The following HMCN1 variants were observed in gnomAD, a reference collection of about 807,000 sequenced individuals.
The protein encoded by HMCN1 is hemicentin 1.
A neutral mutation model predicts 625.9 loss-of-function variants in HMCN1; 321 were observed. The ratio of observed to expected loss-of-function variants is 0.51; its 90% CI spans 0.47 to 0.56. HMCN1 has a LOEUF of 0.56. HMCN1 is among the 20% of genes least tolerant of loss of function. The pLI is 0.00. For synonymous variants in HMCN1, 2,425 were observed against 2,417.6 expected (o/e 1.00, Z -0.09); for missense variants, 6,588 against 6,887.3 (o/e 0.96, Z 1.54).
intron 6 of HMCN1, among the ~76,000 whole-genome samples, chr1:185,920,704 A>G (rs983281246): frequency 6.6e-6 from 1 of 152,128 alleles, no homozygotes; most frequent in Non-Finnish European, 1.5e-5. Context: ...ATTAAGTACC[A>G]CATTGTTGAA....
At chr1:185,840,966 T>G (rs1036226080) in intron 1 of HMCN1, among the ~76,000 whole-genome samples, 2 of 152,090 alleles carry the variant, frequency 1.3e-5, no homozygotes, top group African/African-American at 4.8e-5. Flanking sequence ...AGGAACCACT[T>G]TGAGTAAAGA....
At chr1:185,969,989 T>A (rs531129694) in intron 14 of HMCN1, among the ~76,000 whole-genome samples, 1 of 152,186 alleles carries the variant, frequency 6.6e-6, no homozygotes, top group South Asian at 2.1e-4. Flanking sequence ...ACCAAATGCA[T>A]CCTGCCACAA....
intron 25 of HMCN1, among the ~76,000 whole-genome samples, chr1:185,998,564 C>A (rs1478474180): frequency 3.3e-5 from 5 of 152,100 alleles, no homozygotes; most frequent in African/African-American, 1.2e-4. Flanking sequence ...AGTGTTCACT[C>A]CCACTGGACC....
intron 40 of HMCN1, 58 bp downstream of exon 40, chr1:186,041,194 C>A: frequency 4.1e-6 from 6 of 1,473,428 alleles, no homozygotes; most frequent in African/African-American, 2.8e-5. Context: ...GTCCTAAAAT[C>A]ATTGAGAAAG....
intron 4 of HMCN1, among the ~76,000 whole-genome samples, chr1:185,874,836 C>T (rs1663832053): frequency 1.3e-5 from 2 of 151,780 alleles, no homozygotes; most frequent in South Asian, 4.1e-4. Flanking sequence ...AGGAAAAAGA[C>T]ACATGATATA....
intron 3 of HMCN1, 114 bp from the exon 4 acceptor site, chr1:185,865,627 A>AAT: frequency 8.0e-6 from 6 of 752,874 alleles, no homozygotes; most frequent in South Asian, 1.5e-5. Flanking sequence ...ACACACACAC[A>AAT]CACATTCACA....
intron 1 of HMCN1, among the ~76,000 whole-genome samples, chr1:185,810,275 G>C (rs143432631): frequency 1.0e-3 from 159 of 152,196 alleles, no homozygotes; most frequent in African/African-American, 3.6e-3. Context: ...GCTAAATTTA[G>C]TTTCCCTTAA....
intron 17 of HMCN1, among the ~76,000 whole-genome samples, chr1:185,981,941 T>C (rs185806752): frequency 1.3e-5 from 2 of 152,304 alleles, no homozygotes; most frequent in East Asian, 3.9e-4. Flanking sequence ...CACTTATAAA[T>C]GCTTTCAGTT....
At chr1:185,988,316 C>T (rs1187646866) in intron 20 of HMCN1, among the ~76,000 whole-genome samples, 1 of 152,182 alleles carries the variant, frequency 6.6e-6, no homozygotes, top group African/African-American at 2.4e-5. Context: ...AGTCCTTTCA[C>T]CCTTGAACAG....
intron 10 of HMCN1, 132 bp downstream of exon 10, chr1:185,928,799 T>C: frequency 9.9e-7 from 1 of 1,013,484 alleles, no homozygotes. Context: ...CTCCACTGAA[T>C]TGAGAACTCA....
intron 87 of HMCN1, among the ~76,000 whole-genome samples, chr1:186,137,245 G>C (rs889396947): frequency 6.6e-6 from 1 of 152,190 alleles, no homozygotes; most frequent in African/African-American, 2.4e-5. Context: ...TGAACAGTTT[G>C]TAAACTTGTT....
At chr1:186,097,068 C>G (rs1467336827) in intron 68 of HMCN1, among the ~76,000 whole-genome samples, 1 of 152,010 alleles carries the variant, frequency 6.6e-6, no homozygotes, top group Non-Finnish European at 1.5e-5. Flanking sequence ...TAAAAGACAT[C>G]CAAATTCGAA....
chr1:186,099,161 A>G (rs185898329), intron 68 of HMCN1, among the ~76,000 whole-genome samples: 6 of 152,216 alleles, frequency 3.9e-5, no homozygotes, highest in East Asian at 3.9e-4. Context: ...AGGAATTTCA[A>G]TGCTTTCACC....
intron 1 of HMCN1, among the ~76,000 whole-genome samples, chr1:185,741,560 T>C (rs1024417080): frequency 2.6e-5 from 4 of 152,300 alleles, no homozygotes; most frequent in South Asian, 4.1e-4. Flanking sequence ...AGAAGAGGTC[T>C]GAGGACCTAG....
At chr1:186,091,976 T>C (rs1659865441) in intron 64 of HMCN1, among the ~76,000 whole-genome samples, 1 of 151,980 alleles carries the variant, frequency 6.6e-6, no homozygotes, top group Non-Finnish European at 1.5e-5. Flanking sequence ...TGTTTAATTA[T>C]TTTTGTTAAA....
At chr1:186,037,882 A>C in intron 36 of HMCN1, 52 bp from the exon 37 acceptor site, 2 of 1,075,826 alleles carry the variant, frequency 1.9e-6, no homozygotes, top group Admixed American at 1.7e-5. Flanking sequence ...AAACAATTTC[A>C]GCTTAAATAT....
intron 68 of HMCN1, among the ~76,000 whole-genome samples, chr1:186,101,326 T>A (rs1660374178): frequency 6.6e-6 from 1 of 152,094 alleles, no homozygotes; most frequent in Non-Finnish European, 1.5e-5. Flanking sequence ...TGACTCTTAG[T>A]TTCTGGCTTA....
intron 50 of HMCN1, among the ~76,000 whole-genome samples, chr1:186,068,685 G>C (rs1184805707): frequency 6.6e-6 from 1 of 151,968 alleles, no homozygotes; most frequent in Non-Finnish European, 1.5e-5. Flanking sequence ...GGCTAACACA[G>C]TGAAACCCTG....
At position 186,114,107 on chromosome 1, in the gene HMCN1, G is replaced by T; in HGVS notation, c.11260G>T (p.Ala3754Ser). 6.2e-7 allele frequency: 1 copy of T among 1,614,070 alleles called. No homozygotes were observed. The highest frequency in any genetic ancestry group is 8.5e-7 in the Non-Finnish European group (1 of 1,179,956). ...ITWRKDGAVL[A>S]GNHARYSILE... Reference sequence around the variant, plus strand: ...ATGGAGAAAGGATGGAGCTGTTCTAGCTGGGAATCATGCAAGGTAACCATA... The same window carrying T: ...ATGGAGAAAGGATGGAGCTGTTCTATCTGGGAATCATGCAAGGTAACCATA... Residue 3754 changes from alanine to serine, a missense_variant, in exon 73 of 107, where the codon GCT becomes TCT. Physicochemically the swap from Ala to Ser is moderately conservative, Grantham distance 99 (BLOSUM62 1). Around this residue, in one of 3 missense-constraint regions of HMCN1, gnomAD observed 4,628 missense variants for 4,853.1 expected, o/e 0.95. Transcript: ENST00000271588.
Sources: gnomAD v4.1 joint callset for allele counts (sites outside exome capture counted in the v4.1 genomes callset) on GRCh38, gnomAD v4.1.1 for gene constraint, gnomAD v4.1.1 regional missense constraint, MANE v1.5 for transcripts, NCBI Gene and HGNC (gene_info 2026-07-23, HGNC 2026-07-21) for gene names.